Variants in ECHDC3 observed in about 807,000 individuals in gnomAD.
ECHDC3 encodes the protein enoyl-CoA hydratase domain-containing protein 3, mitochondrial.
Under a neutral mutation model 17.9 loss-of-function variants are expected in ECHDC3, and 20 were observed. The ratio of observed to expected loss-of-function variants is 1.12; its 90% CI spans 0.79 to 1.63. The LOEUF is 1.63. Ranked by LOEUF, ECHDC3 falls within the 40% of genes most tolerant of loss-of-function variation. The pLI is 0.00. For synonymous variants in ECHDC3, 177 were observed against 149.7 expected (o/e 1.18, Z -1.33); for missense variants, 407 against 357.7 (o/e 1.14, Z -1.11).
chr10:11,757,132 C>T (rs1045320233), intron 4 of ECHDC3, among the ~76,000 whole-genome samples: 2 of 152,224 alleles, frequency 1.3e-5, no homozygotes, highest in African/African-American at 4.8e-5. Flanking sequence ...AATCAACTTA[C>T]AAGGCCTTTG....
Position 11,749,523 on chromosome 10 carries a change from T to C in ECHDC3, c.321T>C (p.His107=). 1.2e-6 allele frequency: 2 copies of C among 1,614,190 alleles called. No homozygotes were observed. The highest frequency in any genetic ancestry group is 1.7e-6 in the Non-Finnish European group (2 of 1,180,030). The part of the protein sequence containing the change: ...SAEGPVFSSG[H]DLKELTEEQG... ...AGGGGCCTGTGTTTTCTTCTGGGCA[T>C]GACTTAAAGGAGCTGACAGAGGAGC... is the stretch of plus-strand genomic sequence containing the variant. The change falls in exon 3 of 5, where the codon CAT becomes CAC. Residue 107 remains histidine, a synonymous_variant. Transcript: ENST00000379215.
Position 11,742,544 on chromosome 10 carries a change from G to T in ECHDC3, c.-33G>T. 8.0e-7 allele frequency: 1 copy of T among 1,256,338 alleles called. No homozygotes were observed. Among genetic ancestry groups the T allele is most frequent in the Non-Finnish European group, 1.0e-6 (1 of 1,001,710 alleles). The allele number at this position is 1,256,338 out of a possible 1,614,324, so 77.8% of individuals were successfully genotyped here. On this transcript the variant is annotated 5_prime_UTR_variant, in exon 1 of 5. Transcript: ENST00000379215. ...CAGCACCTGCGGCCGGCCAGGCAGC[G>T]CGATCCTGCGGCGTCTGGCCATCCC...
intron 1 of ECHDC3, among the ~76,000 whole-genome samples, chr10:11,745,318 C>G (rs937150892): frequency 1.3e-5 from 2 of 152,146 alleles, no homozygotes; most frequent in African/African-American, 4.8e-5. Flanking sequence ...TGCCTGAGAC[C>G]TTAGCACTAA....
chr10:11,742,873 T>G (rs917891091), intron 1 of ECHDC3, 127 bp downstream of exon 1: 3 of 1,075,986 alleles, frequency 2.8e-6, no homozygotes, highest in Non-Finnish European at 3.6e-6. Context: ...ACTCCCCGTG[T>G]CCCGGACCCG....
chr10:11,743,727 C>T (rs1391641577), intron 1 of ECHDC3, among the ~76,000 whole-genome samples: 1 of 152,246 alleles, frequency 6.6e-6, no homozygotes, highest in Non-Finnish European at 1.5e-5. Flanking sequence ...CCTTGCTCAT[C>T]AACTACAGGA....
chr10:11,762,847 G>A (rs988429204), intron 4 of ECHDC3, among the ~76,000 whole-genome samples: 1 of 152,002 alleles, frequency 6.6e-6, no homozygotes, highest in South Asian at 2.1e-4. Flanking sequence ...GTTCTGAGAG[G>A]TACTGGAACC....
In ECHDC3 at chr10:11,747,438, A is replaced by G. The variant is rs752157846; in HGVS notation, c.260A>G (p.Asp87Gly). Residue 87 changes from aspartate to glycine, a missense_variant, in exon 2 of 5, where the codon GAC becomes GGC. By Grantham distance (94) the Asp-to-Gly change is moderately conservative. Coordinates refer to ENST00000379215, the MANE Select transcript of ECHDC3 (RefSeq NM_024693.5). ...CAAAGTGACATTCTTCATGACGCTG[A>G]CAGCAACGATCTGAAAGTCATTATC... is the stretch of plus-strand genomic sequence containing the variant. ...SLQSDILHDA[D>G]SNDLKVIIIS... 1.9e-6 allele frequency: 3 copies of G among 1,614,090 alleles called. No homozygotes were observed. The Admixed American group carries it at 5.0e-5, about 27-fold the overall frequency.
At chr10:11,751,893 G>A (rs6602524) in intron 3 of ECHDC3, among the ~76,000 whole-genome samples, 142,095 of 152,248 alleles carry the variant, frequency 0.93, 67,160 homozygotes, top group East Asian at 1. Context: ...GCTTTGGGGA[G>A]ATAACATGAA....
intron 3 of ECHDC3, among the ~76,000 whole-genome samples, chr10:11,754,205 A>G (rs12250388): frequency 0.93 from 141,490 of 152,140 alleles, 66,721 homozygotes; most frequent in East Asian, 1. Flanking sequence ...GAAAGCTAAC[A>G]AATATCAAAC....
chr10:11,757,838 G>T (rs1184826658), intron 4 of ECHDC3, among the ~76,000 whole-genome samples: 1 of 152,196 alleles, frequency 6.6e-6, no homozygotes, highest in Non-Finnish European at 1.5e-5. Flanking sequence ...ATCTAATTGT[G>T]TGGGCCTGCT....
intron 3 of ECHDC3, among the ~76,000 whole-genome samples, chr10:11,751,413 C>G (rs1422332203): frequency 1.3e-5 from 2 of 152,298 alleles, no homozygotes; most frequent in East Asian, 3.9e-4. Context: ...TATCTTTAAA[C>G]CATTTCTAAG....
At chr10:11,756,320 C>T (rs1048985242) in intron 4 of ECHDC3, among the ~76,000 whole-genome samples, 23 of 152,098 alleles carry the variant, frequency 1.5e-4, no homozygotes, top group African/African-American at 5.3e-4. Flanking sequence ...GTTCTTGTTG[C>T]GGAAAAAGTG....
chr10:11,745,891 A>G (rs1832753764), intron 1 of ECHDC3, among the ~76,000 whole-genome samples: 1 of 152,244 alleles, frequency 6.6e-6, no homozygotes, highest in Non-Finnish European at 1.5e-5. Flanking sequence ...AAAAGAGCAA[A>G]CAGGCCCTTT....
At chr10:11,749,283 CCT>C (rs1832797293) in intron 2 of ECHDC3, among the ~76,000 whole-genome samples, 1 of 152,132 alleles carries the variant, frequency 6.6e-6, no homozygotes, top group Non-Finnish European at 1.5e-5. Context: ...CACGGAGGCA[CCT>C]AAAAAATGCC....
intron 3 of ECHDC3, 123 bp downstream of exon 3, chr10:11,749,715 A>C (rs1832802426): frequency 1.4e-6 from 1 of 717,274 alleles, no homozygotes; most frequent in African/African-American, 1.9e-5. Flanking sequence ...GAGCAACTGG[A>C]AACTGTTTGG....
intron 4 of ECHDC3, among the ~76,000 whole-genome samples, chr10:11,756,033 ATAG>A (rs1832883658): frequency 6.6e-6 from 1 of 152,220 alleles, no homozygotes; most frequent in Non-Finnish European, 1.5e-5. Flanking sequence ...AGAGCCTAGG[ATAG>A]TAGTGTCGCT....
At chr10:11,759,481 C>T (rs1222103326) in intron 4 of ECHDC3, among the ~76,000 whole-genome samples, 2 of 152,136 alleles carry the variant, frequency 1.3e-5, no homozygotes, top group African/African-American at 4.8e-5. Context: ...CCTCACCAGT[C>T]GCTGAGTGCC....
At position 11,755,540 on chromosome 10, in the gene ECHDC3, C is replaced by T. The variant is rs936351491; in HGVS notation, c.523C>T (p.Pro175Ser). The T allele has an allele frequency of 3.7e-6, 6 of 1,613,998 alleles. No homozygotes were observed. In the Admixed American group the frequency reaches 6.7e-5, roughly 18 times the overall value. The change falls in exon 4 of 5, where the codon CCT becomes TCT. Residue 175 changes from proline (P) to serine (S), a missense_variant. Physicochemically the swap from Pro to Ser is moderately conservative, Grantham distance 74. Coordinates refer to ENST00000379215, the MANE Select transcript of ECHDC3 (RefSeq NM_024693.5). The stretch of plus-strand genomic sequence containing the variant: ...GAGCGACAAGTCCTCTTTTGCCACT[C>T]CTGGGGTGAACGTCGGGCTCTTCTG... ...VASDKSSFAT[P>S]GVNVGLFCST...
rs17850531 is a variant in ECHDC3 at position 11,763,340 on chromosome 10, C to T, written c.708C>T (p.Ile236=). 0.2 allele frequency: 159,779 copies of T among 779,694 alleles called. 17,950 individuals are homozygous for T. Among genetic ancestry groups the T allele is most frequent in the East Asian group, 0.29 (11,973 of 41,210 alleles). 48.3% of individuals were successfully genotyped at this position (779,694 alleles called of 1,614,324 possible). A position where few individuals can be genotyped will look rare whatever the true frequency, so the allele number is the denominator to read the frequency against. The change falls in exon 5 of 5, where the codon ATC becomes ATT. Residue 236 remains isoleucine (I), a synonymous_variant. Coordinates refer to ENST00000379215, the MANE Select transcript of ECHDC3 (RefSeq NM_024693.5). The surrounding 1 kb of genome is among the most constrained non-coding windows in gnomAD (Gnocchi z 4.9). The part of the protein sequence containing the change: ...EAELQEETMR[I]ARKIASLSRP... Reference sequence around the variant, plus strand: ...AGCTGCAGGAGGAGACCATGCGGATCGCTAGGAAGATCGCATCGCTGAGCC... The same window carrying T: ...AGCTGCAGGAGGAGACCATGCGGATTGCTAGGAAGATCGCATCGCTGAGCC...
Sources: gnomAD v4.1 joint callset for allele counts (sites outside exome capture counted in the v4.1 genomes callset) on GRCh38, gnomAD v4.1.1 for gene constraint, Gnocchi (gnomAD v3.1) non-coding constraint, MANE v1.5 for transcripts, NCBI Gene and HGNC (gene_info 2026-07-23, HGNC 2026-07-21) for gene names.